ATP2C2: variants seen among roughly 807,000 people sequenced by gnomAD.
ATP2C2 encodes the protein calcium-transporting ATPase type 2C member 2.
ATP2C2 carries 171 observed loss-of-function variants against 110.8 expected under a neutral mutation model. The observed-to-expected ratio is 1.54, with a 90% CI of 1.36 to 1.75. The LOEUF (loss-of-function observed/expected upper bound fraction) is 1.75, where lower values mean the gene tolerates loss of function less well. Among genes scored for constraint, ATP2C2 ranks in the 40% most tolerant of loss-of-function variants. ATP2C2 has a pLI of 0.00. For synonymous variants in ATP2C2, 804 were observed against 508.4 expected, an observed-to-expected ratio of 1.58 and a Z score of -7.82; for missense variants, 1,963 against 1,235.0, an observed-to-expected ratio of 1.59 and a Z score of -8.84.
chr16:84,411,107 T>C (rs1464351686), intron 6 of ATP2C2, among the ~76,000 whole-genome samples: 1 of 152,140 alleles, frequency 6.6e-6, no homozygotes, highest in African/African-American at 2.4e-5. Context: ...GGAGAGGGTC[T>C]GGAGGTTTAT....
intron 18 of ATP2C2, among the ~76,000 whole-genome samples, chr16:84,452,845 A>G (rs983021949): frequency 2.6e-5 from 4 of 152,042 alleles, no homozygotes; most frequent in African/African-American, 9.7e-5. Flanking sequence ...TGCTGGGAAA[A>G]GGTTCACGGG....
rs145286641 is a variant in ATP2C2 at position 84,435,838 on chromosome 16, T to C, written c.987-3328T>C. On this transcript the variant is annotated intron_variant, in intron 11 of 26. Coordinates refer to ENST00000262429, the MANE Select transcript of ATP2C2 (RefSeq NM_014861.4). ...CAAGAACCTGCCTCAAAAAAAAAAA[T>C]AAAAAACAGGCAAGGCACAGAGGAT... Among the ~76,000 whole-genome samples, 11 of 117,582 alleles carry C rather than the reference T, an allele frequency of 9.4e-5. No homozygotes were observed. In the South Asian group the frequency reaches 3.0e-3, roughly 32 times the overall value. 77.1% of individuals were successfully genotyped at this position (117,582 alleles called of 152,430 possible). A position where few individuals can be genotyped will look rare whatever the true frequency, so the allele number is the denominator to read the frequency against.
intron 7 of ATP2C2, among the ~76,000 whole-genome samples, chr16:84,419,208 T>TTA (rs1186522596): frequency 8.4e-5 from 4 of 47,494 alleles, no homozygotes; most frequent in East Asian, 8.3e-4. Context: ...ACCCCATCTT[T>TTA]AAAAAAAAAA....
intron 7 of ATP2C2, among the ~76,000 whole-genome samples, chr16:84,416,873 G>T (rs1906881918): frequency 6.6e-6 from 1 of 152,226 alleles, no homozygotes; most frequent in East Asian, 1.9e-4. Flanking sequence ...AAGGAGGACT[G>T]GGGAAGCTGG....
intron 11 of ATP2C2, chr16:84,426,074 G>T: frequency 2.3e-6 from 1 of 434,228 alleles, no homozygotes; most frequent in South Asian, 3.2e-5. Flanking sequence ...AATACCTGAG[G>T]CTTGGTAATT....
In ATP2C2 at chr16:84,394,780, A is replaced by T. The variant is rs1049293838; in HGVS notation, c.100-3719A>T. Reference sequence around the variant, plus strand: ...ACAGGGTTTTCTCCTGTGTCTCCACATGGACTTCCCTGTGTGCATGTTTAT... The same window carrying T: ...ACAGGGTTTTCTCCTGTGTCTCCACTTGGACTTCCCTGTGTGCATGTTTAT... On this transcript the variant is annotated intron_variant, in intron 1 of 26. Coordinates refer to ENST00000262429, the MANE Select transcript of ATP2C2 (RefSeq NM_014861.4). Among the ~76,000 whole-genome samples, 3 of 152,068 alleles carry T rather than the reference A, an allele frequency of 2.0e-5. 1 individual carries two copies. The highest frequency in any genetic ancestry group is 7.3e-5 in the African/African-American group (3 of 41,342).
intron 4 of ATP2C2, among the ~76,000 whole-genome samples, chr16:84,409,158 A>T (rs575540610): frequency 6.6e-6 from 1 of 152,150 alleles, no homozygotes; most frequent in African/African-American, 2.4e-5. Flanking sequence ...AGGGACATGG[A>T]TGAAGCTGGA....
At chr16:84,425,028 A>G (rs1007910983) in intron 10 of ATP2C2, among the ~76,000 whole-genome samples, 4 of 152,136 alleles carry the variant, frequency 2.6e-5, no homozygotes, top group Non-Finnish European at 5.9e-5. Context: ...TTAGTAGCCA[A>G]TAGTAGAATG....
Position 84,463,826 on chromosome 16 carries a change from G to C in ATP2C2, c.*94G>C, listed in dbSNP as rs1269021731. The C allele has an allele frequency of 1.8e-6, 2 of 1,113,804 alleles. No individual in the cohort carries two copies. Among genetic ancestry groups the C allele is most frequent in the Non-Finnish European group, 2.7e-6 (2 of 746,330 alleles). 69.0% of individuals were successfully genotyped at this position (1,113,804 alleles called of 1,614,324 possible). ...TCCTCGTCAGGGGAGACTTTTAGGAGGCCGCAGCCTTCCATCACCGGATCA... is the reference window on the plus strand; with the variant it reads ...TCCTCGTCAGGGGAGACTTTTAGGACGCCGCAGCCTTCCATCACCGGATCA... On this transcript the variant is annotated 3_prime_UTR_variant, in exon 27 of 27. Transcript: ENST00000262429.
rs745523933 is a variant in ATP2C2 at position 84,453,177 on chromosome 16, T to C, written c.1871T>C (p.Met624Thr). ...IGLCNGKLQA[M>T]SGEEVDSVEK... ...CTGTGCAACGGGAAGCTGCAAGCCA[T>C]GTCCGGGGAGGAGGTGGACAGCGTG... is the stretch of plus-strand genomic sequence containing the variant. The change falls in exon 19 of 27, where the codon ATG becomes ACG. Residue 624 changes from methionine to threonine, a missense_variant. Met to Thr is a moderately conservative substitution (Grantham distance 81, BLOSUM62 -1). Coordinates refer to ENST00000262429, the MANE Select transcript of ATP2C2 (RefSeq NM_014861.4). 8 of 1,613,734 alleles carry C rather than the reference T, an allele frequency of 5.0e-6. No individual in the cohort carries two copies. The highest frequency in any genetic ancestry group is 4.0e-5 in the African/African-American group (3 of 74,886).
intron 3 of ATP2C2, 43 bp from the exon 4 acceptor site, chr16:84,408,362 C>T (rs757557777): frequency 6.3e-7 from 1 of 1,582,392 alleles, no homozygotes; most frequent in Non-Finnish European, 8.7e-7. Context: ...ATTCTGGTCC[C>T]TGAGACTAAA....
At chr16:84,382,811 G>C (rs566009269) in intron 1 of ATP2C2, among the ~76,000 whole-genome samples, 1 of 150,912 alleles carries the variant, frequency 6.6e-6, no homozygotes, top group East Asian at 1.9e-4. Flanking sequence ...CACCAGAATC[G>C]CTTGAACCCA....
rs927948163 is a variant in ATP2C2, at chr16:84,376,846, G to A, written c.99+8132G>A. ...CTCAAGGCCAACACCTGTCCTGCAC[G>A]GGGATCTCTGTGCAATTGCACTGGC... On this transcript the variant is annotated intron_variant, in intron 1 of 26. Coordinates refer to ENST00000262429, the MANE Select transcript of ATP2C2 (RefSeq NM_014861.4). 3.3e-5 allele frequency among the ~76,000 whole-genome samples: 5 copies of A among 152,330 alleles called. No homozygotes were observed. The East Asian group carries it at 7.7e-4, about 24-fold the overall frequency.
Position 84,452,007 on chromosome 16 carries a change from A to T in ATP2C2, c.1747A>T (p.Lys583Ter). Residue 583 changes from lysine to a stop codon, truncating the protein, a stop_gained, in exon 18 of 27, where the codon AAG becomes TAG. Transcript: ENST00000262429. LOFTEE classifies it high-confidence loss of function. ...CATTGACCCCCCGAGAGTTGGCGTGAAGGAAGCAGTCCAGGTTCTCTCCGA... is the reference window on the plus strand; with the variant it reads ...CATTGACCCCCCGAGAGTTGGCGTGTAGGAAGCAGTCCAGGTTCTCTCCGA... ...GIIDPPRVGV[K>*]EAVQVLSESG... The T allele has an allele frequency of 6.2e-7, 1 of 1,611,962 alleles. No individual in the cohort carries two copies. The highest frequency in any genetic ancestry group is 8.5e-7 in the Non-Finnish European group (1 of 1,179,570).
chr16:84,385,500 G>C (rs1280437759), intron 1 of ATP2C2, among the ~76,000 whole-genome samples: 4 of 152,172 alleles, frequency 2.6e-5, no homozygotes, highest in Non-Finnish European at 5.9e-5. Context: ...GTAAGGAAGA[G>C]CTTTCTCTTC....
chr16:84,437,385 A>AT (rs113832226), intron 11 of ATP2C2, among the ~76,000 whole-genome samples: 6 of 151,022 alleles, frequency 4.0e-5, no homozygotes, highest in African/African-American at 9.7e-5. Context: ...TGTATATATA[A>AT]TTTTTTTTTT....
At chr16:84,407,489 C>G (rs1445278838) in intron 3 of ATP2C2, 1 of 151,954 alleles carries the variant, frequency 6.6e-6, no homozygotes, top group Non-Finnish European at 1.5e-5. Flanking sequence ...TTGTTATATT[C>G]TGGGATAGGG....
chr16:84,370,132 GA>G (rs1887447412), intron 1 of ATP2C2, among the ~76,000 whole-genome samples: 1 of 139,278 alleles, frequency 7.2e-6, no homozygotes, highest in African/African-American at 2.9e-5. Context: ...GGATGTCCAG[GA>G]ATGCAGGTGC....
In ATP2C2 at chr16:84,460,734, T is replaced by G. The variant is rs150337815; in HGVS notation, c.2414T>G (p.Leu805Arg). The change falls in exon 24 of 27, where the codon CTC (leucine) becomes CGC (arginine). Residue 805 changes from leucine (L) to arginine (R), a missense_variant. Leu to Arg is a moderately radical substitution (Grantham distance 102). Transcript: ENST00000262429. The stretch of plus-strand genomic sequence containing the variant: ...CGGGACACCATCCTCAGCAGAGCCC[T>G]CATCCTGAAGATCCTCATGTCCGCG... ...SVRDTILSRA[L>R]ILKILMSAAI... 399 of 1,614,136 alleles carry G rather than the reference T, an allele frequency of 2.5e-4. 1 individual carries two copies. Among genetic ancestry groups the G allele is most frequent in the East Asian group, 4.2e-4 (19 of 44,870 alleles).
Sources: allele counts gnomAD v4.1 joint callset (sites outside exome capture counted in the v4.1 genomes callset), GRCh38; gene constraint gnomAD v4.1.1; transcripts MANE v1.5; gene names NCBI Gene and HGNC (gene_info 2026-07-23, HGNC 2026-07-21).